The following SIPA1L1 variants were observed in gnomAD, a reference collection of about 807,000 sequenced individuals.
SIPA1L1 encodes signal-induced proliferation-associated 1-like protein 1.
SIPA1L1 carries 26 observed loss-of-function variants against 162.7 expected under a neutral mutation model. The observed-to-expected ratio is 0.16, with a 90% CI of 0.12 to 0.22. SIPA1L1 has a LOEUF of 0.22. Ranked by LOEUF, SIPA1L1 falls within the 10% of genes least tolerant of loss-of-function variation. The probability of loss-of-function intolerance (pLI) is 1.00; values close to 1 mark genes in which losing one functional copy is unlikely to be tolerated. For missense variants in SIPA1L1, 1,874 were observed against 2,241.0 expected, an observed-to-expected ratio of 0.84 and a Z score of 3.31; for synonymous variants, 829 against 837.4, an observed-to-expected ratio of 0.99 and a Z score of 0.17.
chr14:71,339,573 A>G (rs893138344), intron 2 of SIPA1L1, among the ~76,000 whole-genome samples: 14 of 152,154 alleles, frequency 9.2e-5, no homozygotes, highest in Non-Finnish European at 1.9e-4. Flanking sequence ...CATGTTGGCC[A>G]GGCTGGTCTT....
At chr14:71,408,473 G>C (rs550680241) in intron 2 of SIPA1L1, among the ~76,000 whole-genome samples, 1 of 152,112 alleles carries the variant, frequency 6.6e-6, no homozygotes, top group African/African-American at 2.4e-5. Context: ...CAAAAACAAC[G>C]AGTAATAAGA....
chr14:71,684,379 C>G (rs1176394072), intron 12 of SIPA1L1, among the ~76,000 whole-genome samples: 3 of 152,244 alleles, frequency 2.0e-5, no homozygotes, highest in Non-Finnish European at 4.4e-5. Flanking sequence ...TTCCACTTTG[C>G]CCCCCATCTC....
At chr14:71,504,328 T>C (rs1224059668) in intron 2 of SIPA1L1, among the ~76,000 whole-genome samples, 1 of 152,184 alleles carries the variant, frequency 6.6e-6, no homozygotes, top group East Asian at 1.9e-4. Flanking sequence ...TGAATAAACG[T>C]TACTGAATCA....
chr14:71,598,871 C>A (rs2036367264), intron 5 of SIPA1L1, among the ~76,000 whole-genome samples: 1 of 151,862 alleles, frequency 6.6e-6, no homozygotes, highest in African/African-American at 2.4e-5. Context: ...TAACTATAGT[C>A]ACTCTAATGT....
At chr14:71,599,147 CTTTTTTTT>C (rs35037397) in intron 5 of SIPA1L1, among the ~76,000 whole-genome samples, 2 of 106,198 alleles carry the variant, frequency 1.9e-5, no homozygotes, top group Non-Finnish European at 3.6e-5. Context: ...TGATTTCATT[CTTTTTTTT>C]TTTTTTTTTT....
intron 2 of SIPA1L1, chr14:71,448,689 G>A (rs992485241): frequency 2.1e-5 from 2 of 95,320 alleles, no homozygotes; most frequent in African/African-American, 1.0e-4. Context: ...CTAATTGTAA[G>A]CCGGGTGTTG....
intron 2 of SIPA1L1, among the ~76,000 whole-genome samples, chr14:71,441,241 T>C (rs1293683796): frequency 6.6e-6 from 1 of 152,096 alleles, no homozygotes; most frequent in Admixed American, 6.5e-5. Context: ...CTGATGGAGG[T>C]TATTTATGGA....
At chr14:71,475,481 T>G (rs1271432555) in intron 2 of SIPA1L1, among the ~76,000 whole-genome samples, 1 of 152,184 alleles carries the variant, frequency 6.6e-6, no homozygotes, top group Non-Finnish European at 1.5e-5. Context: ...ACAGTAGGAT[T>G]TTTCCTTGTA....
intron 21 of SIPA1L1, 68 bp downstream of exon 21, chr14:71,733,880 C>G (rs2085036539): frequency 6.6e-7 from 1 of 1,516,430 alleles, no homozygotes; most frequent in Non-Finnish European, 8.9e-7. Flanking sequence ...TCCATCCACT[C>G]TACTTCTCTG....
chr14:71,488,405 AT>A (rs2048949878), intron 2 of SIPA1L1, among the ~76,000 whole-genome samples: 3 of 152,188 alleles, frequency 2.0e-5, no homozygotes, highest in Admixed American at 6.5e-5. Context: ...GATTTTTCAA[AT>A]GTGGATATTA....
chr14:71,705,052 T>C lies in SIPA1L1; in HGVS notation c.3647-170T>C, dbSNP rs2082342639. 6.4e-6 allele frequency: 4 copies of C among 628,292 alleles called. No homozygotes were observed. In the South Asian group the frequency reaches 7.7e-5, roughly 12 times the overall value. 38.9% of individuals were successfully genotyped at this position (628,292 alleles called of 1,614,324 possible). A position where few individuals can be genotyped will look rare whatever the true frequency, so the allele number is the denominator to read the frequency against. On this transcript the variant is annotated intron_variant, in intron 15 of 23. Transcript: ENST00000381232. Reference sequence around the variant, plus strand: ...CTGCAAGCTTTATCCATCAGCCACTTAAGTTTCTGACCTGCTGTCTATCAA... The same window carrying C: ...CTGCAAGCTTTATCCATCAGCCACTCAAGTTTCTGACCTGCTGTCTATCAA...
chr14:71,713,921 A>G (rs532253514), intron 17 of SIPA1L1, among the ~76,000 whole-genome samples: 2 of 150,972 alleles, frequency 1.3e-5, no homozygotes, highest in African/African-American at 4.9e-5. Flanking sequence ...CCTCTCTTTT[A>G]TATTTTTTCC....
At chr14:71,711,273 G>GC (rs1207715486) in intron 17 of SIPA1L1, among the ~76,000 whole-genome samples, 7 of 152,198 alleles carry the variant, frequency 4.6e-5, no homozygotes, top group South Asian at 2.1e-4. Context: ...TGCCAAAGTA[G>GC]AACAGGAAGT....
chr14:71,433,651 G>GT (rs879789463), intron 2 of SIPA1L1, among the ~76,000 whole-genome samples: 13 of 149,914 alleles, frequency 8.7e-5, no homozygotes, highest in Admixed American at 1.3e-4. Context: ...CTGTCCATGA[G>GT]TTTTTTTTTT....
At chr14:71,606,765 A>T (rs988091585) in intron 5 of SIPA1L1, among the ~76,000 whole-genome samples, 3 of 152,128 alleles carry the variant, frequency 2.0e-5, no homozygotes, top group Non-Finnish European at 2.9e-5. Context: ...CCTGGTTTTG[A>T]CAATGATTAT....
At chr14:71,610,590 A>G (rs919465426) in intron 5 of SIPA1L1, among the ~76,000 whole-genome samples, 3 of 152,226 alleles carry the variant, frequency 2.0e-5, no homozygotes, top group Admixed American at 1.3e-4. Flanking sequence ...ACTGATAGCA[A>G]CCAATAAAAA....
At chr14:71,332,332 G>A (rs1317349229) in intron 2 of SIPA1L1, among the ~76,000 whole-genome samples, 1 of 152,060 alleles carries the variant, frequency 6.6e-6, no homozygotes, top group Non-Finnish European at 1.5e-5. Context: ...AGTGACTTAT[G>A]TGGCCCTTGT....
intron 5 of SIPA1L1, among the ~76,000 whole-genome samples, chr14:71,611,586 G>A (rs545963298): frequency 3.7e-4 from 54 of 147,208 alleles, no homozygotes; most frequent in Middle Eastern, 3.4e-3. Context: ...GCCCCAGTGC[G>A]TGATATTCCC....
At position 71,455,078 on chromosome 14, in the gene SIPA1L1, A is replaced by G. The variant is rs117303813; in HGVS notation, c.-464-57665A>G. On this transcript the variant is annotated intron_variant, in intron 2 of 23. Coordinates refer to ENST00000381232, the MANE Select transcript of SIPA1L1 (RefSeq NM_001386936.1). ...GTACAAGTGAAGATTTGAATGAGAT[A>G]GAATGCCATGCCTTTTTACTAAGTT... Among the ~76,000 whole-genome samples the G allele has an allele frequency of 3.8e-3, 577 of 152,342 alleles. 2 individuals are homozygous for G. Among genetic ancestry groups the G allele is most frequent in the Non-Finnish European group, 6.5e-3 (440 of 68,030 alleles).
Sources: allele counts gnomAD v4.1 joint callset (sites outside exome capture counted in the v4.1 genomes callset), GRCh38; gene constraint gnomAD v4.1.1; transcripts MANE v1.5; gene names NCBI Gene and HGNC (gene_info 2026-07-23, HGNC 2026-07-21).